Variants in FGF14 observed in about 807,000 individuals in gnomAD.
FGF14 encodes the protein fibroblast growth factor homologous factor 4.
In FGF14, 5 loss-of-function variants were observed where a neutral mutation model predicts 25.5. That is an observed-to-expected ratio of 0.20 (90% CI 0.10 to 0.41). FGF14 has a LOEUF of 0.41. FGF14 is among the 10% of genes least tolerant of loss of function. The pLI, the probability that FGF14 is intolerant of heterozygous loss-of-function variation, is 1.00. For synonymous variants in FGF14, 138 were observed against 118.3 expected, an observed-to-expected ratio of 1.17 and a Z score of -1.08; for missense variants, 222 against 320.1, an observed-to-expected ratio of 0.69 and a Z score of 2.34.
chr13:101,920,859 AC>A (rs2033950716), upstream of FGF14, among the ~76,000 whole-genome samples: 1 of 152,168 alleles, frequency 6.6e-6, no homozygotes, highest in Non-Finnish European at 1.5e-5. Context: ...ACATTTCTCT[AC>A]CTTTCAGAGA....
At chr13:102,050,948 T>C (rs575384862) in intron 1 of FGF14, among the ~76,000 whole-genome samples, 1 of 152,278 alleles carries the variant, frequency 6.6e-6, no homozygotes, top group East Asian at 1.9e-4. Context: ...CCAACAGCCA[T>C]TCTTGATGGG....
At chr13:101,810,108 C>T (rs893631221) in intron 3 of FGF14, among the ~76,000 whole-genome samples, 2 of 152,088 alleles carry the variant, frequency 1.3e-5, no homozygotes, top group Non-Finnish European at 2.9e-5. Context: ...CATTACTACC[C>T]AAATGTACAT....
At chr13:101,972,630 T>C (rs556191975) in intron 1 of FGF14, among the ~76,000 whole-genome samples, 2 of 152,130 alleles carry the variant, frequency 1.3e-5, no homozygotes, top group South Asian at 4.1e-4. Flanking sequence ...CTCATTTCAA[T>C]CTTATTGATA....
intron 1 of FGF14, among the ~76,000 whole-genome samples, chr13:102,075,644 G>C (rs558721905): frequency 4.6e-5 from 7 of 152,252 alleles, no homozygotes; most frequent in African/African-American, 1.4e-4. Context: ...CATTATTTTA[G>C]AGTGTACTCC....
intron 1 of FGF14, among the ~76,000 whole-genome samples, chr13:102,126,337 T>C (rs1433106023): frequency 6.6e-6 from 1 of 152,238 alleles, no homozygotes; most frequent in Non-Finnish European, 1.5e-5. Flanking sequence ...CTATTGTGTC[T>C]GGTTTATTTC....
At chr13:102,106,222 T>G (rs2044903801) in intron 1 of FGF14, among the ~76,000 whole-genome samples, 1 of 152,176 alleles carries the variant, frequency 6.6e-6, no homozygotes, top group South Asian at 2.1e-4. Flanking sequence ...CCACACTAAT[T>G]TGCATGTACT....
At chr13:101,973,038 C>T (rs2037701486) in intron 1 of FGF14, among the ~76,000 whole-genome samples, 1 of 151,992 alleles carries the variant, frequency 6.6e-6, no homozygotes, top group Admixed American at 6.6e-5. Context: ...GTACTATAGC[C>T]TCCTTCACTT....
At chr13:101,933,274 C>T (rs2034886391) in intron 1 of FGF14, among the ~76,000 whole-genome samples, 1 of 152,196 alleles carries the variant, frequency 6.6e-6, no homozygotes, top group Non-Finnish European at 1.5e-5. Context: ...CTAACTCTAA[C>T]TCCCATTTGT....
intron 3 of FGF14, among the ~76,000 whole-genome samples, chr13:101,835,890 T>C (rs1341752116): frequency 6.6e-6 from 1 of 152,064 alleles, no homozygotes; most frequent in Non-Finnish European, 1.5e-5. Context: ...CAATGGGGTC[T>C]GACTGTTGCT....
intron 1 of FGF14, among the ~76,000 whole-genome samples, chr13:102,088,929 A>G (rs1423324463): frequency 6.6e-6 from 1 of 152,172 alleles, no homozygotes; most frequent in African/African-American, 2.4e-5. Flanking sequence ...AGCTTAGGAA[A>G]CTAAAACACC....
intron 1 of FGF14, among the ~76,000 whole-genome samples, chr13:102,268,259 G>T (rs1474278374): frequency 3.3e-5 from 5 of 152,018 alleles, no homozygotes; most frequent in Non-Finnish European, 7.4e-5. Context: ...CTCACTAAGG[G>T]TTAGTGAAAT....
chr13:101,988,972 A>G (rs1178061933), intron 1 of FGF14, among the ~76,000 whole-genome samples: 1 of 152,100 alleles, frequency 6.6e-6, no homozygotes, highest in Non-Finnish European at 1.5e-5. Context: ...AAGATCAAAC[A>G]TAATTGCTTT....
At chr13:101,807,238 C>A (rs2041252946) in intron 3 of FGF14, among the ~76,000 whole-genome samples, 1 of 152,038 alleles carries the variant, frequency 6.6e-6, no homozygotes, top group African/African-American at 2.4e-5. Flanking sequence ...ACTACTCATT[C>A]CCATTTTGAT....
At chr13:102,268,820 C>A (rs1160599845) in intron 1 of FGF14, among the ~76,000 whole-genome samples, 1 of 152,096 alleles carries the variant, frequency 6.6e-6, no homozygotes, top group Non-Finnish European at 1.5e-5. Context: ...AAAAATATTT[C>A]CATCAAAAGA....
chr13:101,979,090 G>C (rs1384258838), intron 1 of FGF14, among the ~76,000 whole-genome samples: 2 of 152,216 alleles, frequency 1.3e-5, no homozygotes, highest in African/African-American at 2.4e-5. Context: ...TTGTGGTATG[G>C]TTGGAGGCAT....
At chr13:101,832,480 GGAA>G (rs2042722136) in intron 3 of FGF14, among the ~76,000 whole-genome samples, 1 of 152,068 alleles carries the variant, frequency 6.6e-6, no homozygotes. Context: ...ATTAAATCTA[GGAA>G]GAAGAAGCTT....
At chr13:102,292,520 A>C (rs1002154224) in intron 1 of FGF14, 2 of 152,148 alleles carry the variant, frequency 1.3e-5, no homozygotes, top group Admixed American at 1.3e-4. Context: ...GCATATATCT[A>C]CTACAGTGTC....
chr13:102,111,830 T>C (rs1406511123), intron 1 of FGF14, among the ~76,000 whole-genome samples: 1 of 151,932 alleles, frequency 6.6e-6, no homozygotes, highest in African/African-American at 2.4e-5. Flanking sequence ...AATCCAGTCC[T>C]TCAGGAGCTT....
At chr13:101,827,670 G>A in intron 3 of FGF14, among the ~76,000 whole-genome samples, 1 of 151,626 alleles carries the variant, frequency 6.6e-6, no homozygotes, top group African/African-American at 2.4e-5. Flanking sequence ...TTTAACCTAG[G>A]CTTTTTTTAT....
Sources: allele counts gnomAD v4.1 joint callset (sites outside exome capture counted in the v4.1 genomes callset), GRCh38; gene constraint gnomAD v4.1.1; transcripts MANE v1.5; gene names NCBI Gene and HGNC (gene_info 2026-07-23, HGNC 2026-07-21).